GRM7: variants seen among roughly 807,000 people sequenced by gnomAD.
GRM7 encodes metabotropic glutamate receptor 7.
A neutral mutation model predicts 84.5 loss-of-function variants in GRM7; 35 were observed. That is an observed-to-expected ratio of 0.41 (90% confidence interval 0.32 to 0.55). The LOEUF (loss-of-function observed/expected upper bound fraction) is 0.55. GRM7 is among the 20% of genes least tolerant of loss of function. The pLI, the probability that GRM7 is intolerant of heterozygous loss-of-function variation, is 0.19. For synonymous variants in GRM7, 487 were observed against 455.1 expected (o/e 1.07, Z -0.89); for missense variants, 1,003 against 1,194.6 (o/e 0.84, Z 2.36).
intron 1 of GRM7, among the ~76,000 whole-genome samples, chr3:6,934,469 C>G (rs1362055487): frequency 6.6e-6 from 1 of 152,096 alleles, no homozygotes; most frequent in Admixed American, 6.6e-5. Flanking sequence ...GAGAGTATAT[C>G]ATTACAATTC....
At chr3:7,352,027 TTC>T (rs1243962506) in intron 4 of GRM7, among the ~76,000 whole-genome samples, 1 of 135,178 alleles carries the variant, frequency 7.4e-6, no homozygotes, top group African/African-American at 2.9e-5. Context: ...CATTCGTTCA[TTC>T]TCTCTCTCTC....
At chr3:7,288,854 A>G (rs1448148988) in intron 2 of GRM7, among the ~76,000 whole-genome samples, 3 of 152,166 alleles carry the variant, frequency 2.0e-5, no homozygotes, top group African/African-American at 4.8e-5. Context: ...TTAGAAGTGT[A>G]ATGAAATAGC....
intron 4 of GRM7, among the ~76,000 whole-genome samples, chr3:7,414,289 A>G (rs1696066441): frequency 1.3e-5 from 2 of 152,130 alleles, no homozygotes; most frequent in Non-Finnish European, 2.9e-5. Context: ...CTGTGGGGGA[A>G]GGAGATGGTG....
intron 4 of GRM7, among the ~76,000 whole-genome samples, chr3:7,350,890 A>G (rs1361515070): frequency 1.3e-5 from 2 of 152,134 alleles, no homozygotes; most frequent in Non-Finnish European, 1.5e-5. Context: ...ATGAGGCATA[A>G]GAGTGCAAGA....
chr3:7,357,119 A>G (rs1693444521), intron 4 of GRM7, among the ~76,000 whole-genome samples: 1 of 151,660 alleles, frequency 6.6e-6, no homozygotes, highest in African/African-American at 2.4e-5. Flanking sequence ...AAGGAAGCAA[A>G]CATAAATAAC....
intron 7 of GRM7, among the ~76,000 whole-genome samples, chr3:7,542,252 C>T (rs1217068450): frequency 1.3e-5 from 2 of 152,118 alleles, no homozygotes; most frequent in African/African-American, 2.4e-5. Flanking sequence ...CTCTCAAGAC[C>T]TTCTCAGCTG....
chr3:7,020,076 T>C (rs1324801957), intron 1 of GRM7, among the ~76,000 whole-genome samples: 1 of 152,174 alleles, frequency 6.6e-6, no homozygotes, highest in African/African-American at 2.4e-5. Flanking sequence ...CTTGATCTCT[T>C]GACCTCGTGA....
intron 2 of GRM7, among the ~76,000 whole-genome samples, chr3:7,274,783 T>C (rs569412623): frequency 1.3e-5 from 2 of 152,200 alleles, no homozygotes; most frequent in Non-Finnish European, 1.5e-5. Context: ...ATTGTCATTT[T>C]TTCTGGTTGG....
chr3:6,869,581 G>C (rs28576822), intron 1 of GRM7, among the ~76,000 whole-genome samples: 1 of 150,658 alleles, frequency 6.6e-6, no homozygotes, highest in East Asian at 1.9e-4. Context: ...CTATCTATCT[G>C]TCTATCTATC....
chr3:7,713,298 G>A (rs999331668), intron 9 of GRM7, among the ~76,000 whole-genome samples: 1 of 151,588 alleles, frequency 6.6e-6, no homozygotes, highest in African/African-American at 2.4e-5. Flanking sequence ...TACCATGCCT[G>A]GCTAATTTTC....
At chr3:7,696,010 T>C (rs1701001706) in intron 9 of GRM7, among the ~76,000 whole-genome samples, 1 of 152,142 alleles carries the variant, frequency 6.6e-6, no homozygotes, top group Admixed American at 6.6e-5. Context: ...GCAGCTCCCA[T>C]ATTGGACCAC....
chr3:7,275,075 T>C (rs1699004364), intron 2 of GRM7, among the ~76,000 whole-genome samples: 1 of 152,162 alleles, frequency 6.6e-6, no homozygotes, highest in Non-Finnish European at 1.5e-5. Flanking sequence ...ACTTCCAGTC[T>C]ACTAGTGAGC....
chr3:6,953,410 CA>C (rs1692877421), intron 1 of GRM7, among the ~76,000 whole-genome samples: 2 of 152,196 alleles, frequency 1.3e-5, no homozygotes, highest in African/African-American at 2.4e-5. Flanking sequence ...CCCAAAAAGG[CA>C]AGCAAGCTCT....
At position 7,176,922 on chromosome 3, in the gene GRM7, A is replaced by T. The variant is rs1158293258; in HGVS notation, c.736+30254A>T. Among the ~76,000 whole-genome samples the T allele has an allele frequency of 3.3e-5, 5 of 152,370 alleles. No homozygotes were observed. The East Asian group carries it at 7.7e-4, about 24-fold the overall frequency. Reference sequence around the variant, plus strand: ...TCACCATTACCTGTAAAAGAATATAAGTTAACCTTCATGTGAAGCGGAATT... The same window carrying T: ...TCACCATTACCTGTAAAAGAATATATGTTAACCTTCATGTGAAGCGGAATT... On this transcript the variant is annotated intron_variant, in intron 2 of 9. Coordinates refer to ENST00000357716, the MANE Select transcript of GRM7 (RefSeq NM_000844.4).
intron 1 of GRM7, among the ~76,000 whole-genome samples, chr3:7,038,773 G>A (rs1574822077): frequency 3.3e-5 from 5 of 152,188 alleles, no homozygotes; most frequent in Admixed American, 3.3e-4. Flanking sequence ...GGAAGCTGAG[G>A]CAGGTGAGAC....
intron 2 of GRM7, among the ~76,000 whole-genome samples, chr3:7,260,780 T>C (rs1025457239): frequency 2.6e-5 from 4 of 151,954 alleles, no homozygotes; most frequent in Non-Finnish European, 5.9e-5. Flanking sequence ...GGTTTGTTCT[T>C]GCTTCTCTAG....
chr3:7,103,757 T>TCTTTCTTTCC (rs1491169514), intron 1 of GRM7, among the ~76,000 whole-genome samples: 6 of 33,044 alleles, frequency 1.8e-4, no homozygotes, highest in South Asian at 1.8e-3. Context: ...TCCCTTTCTT[T>TCTTTCTTTCC]CTTTCTTTCT....
At chr3:7,574,765 C>T (rs1211244382) in intron 7 of GRM7, among the ~76,000 whole-genome samples, 1 of 152,176 alleles carries the variant, frequency 6.6e-6, no homozygotes, top group African/African-American at 2.4e-5. Flanking sequence ...CTATCTCCCC[C>T]AGTGAACTAA....
At chr3:7,433,914 A>G (rs115679719) in intron 5 of GRM7, among the ~76,000 whole-genome samples, 1,560 of 152,306 alleles carry the variant, frequency 0.01, 29 homozygotes, top group African/African-American at 0.034. Context: ...CAATCTCTAT[A>G]CCAATATGGA....
Sources: gnomAD v4.1 joint callset for allele counts (sites outside exome capture counted in the v4.1 genomes callset) on GRCh38, gnomAD v4.1.1 for gene constraint, MANE v1.5 for transcripts, NCBI Gene and HGNC (gene_info 2026-07-23, HGNC 2026-07-21) for gene names.